The following SLC26A6 variants were observed in gnomAD, a reference collection of about 807,000 sequenced individuals.
SLC26A6 encodes anion exchange transporter.
SLC26A6 carries 67 observed loss-of-function variants against 87.1 expected under a neutral mutation model. The observed-to-expected ratio is 0.77, with a 90% CI of 0.63 to 0.94. SLC26A6 has a LOEUF of 0.94. SLC26A6 is among the 40% of genes least tolerant of loss of function. The pLI, the probability that SLC26A6 is intolerant of heterozygous loss-of-function variation, is 0.00. For synonymous variants in SLC26A6, 414 were observed against 405.9 expected (o/e 1.02, Z -0.24); for missense variants, 902 against 973.0 (o/e 0.93, Z 0.97).
Position 48,625,878 on chromosome 3 carries a change from A to C in SLC26A6, c.*108T>G. 1 of 1,411,314 alleles carries C rather than the reference A, an allele frequency of 7.1e-7. No individual in the cohort carries two copies. Among genetic ancestry groups the C allele is most frequent in the East Asian group, 2.3e-5 (1 of 43,580 alleles). The allele number at this position is 1,411,314 out of a possible 1,614,324, so 87.4% of individuals were successfully genotyped here. A position where few individuals can be genotyped will look rare whatever the true frequency, so the allele number is the denominator to read the frequency against. On this transcript the variant is annotated 3_prime_UTR_variant, in exon 21 of 21. Coordinates refer to ENST00000395550, the MANE Select transcript of SLC26A6 (RefSeq NM_022911.3). The surrounding 1 kb of genome is among the most constrained non-coding windows in gnomAD (Gnocchi z 4.7). Reference sequence around the variant, plus strand: ...CTCCTTCCCTGAGTTGTGTGTGTGTACATGGAGGGGACTCCTGGGTAGCAC... The same window carrying C: ...CTCCTTCCCTGAGTTGTGTGTGTGTCCATGGAGGGGACTCCTGGGTAGCAC...
chr3:48,626,475 T>C, intron 19 of SLC26A6, 121 bp from the exon 20 acceptor site: 3 of 1,541,852 alleles, frequency 1.9e-6, no homozygotes, highest in Non-Finnish European at 2.7e-6. Flanking sequence ...TACAGCTGAA[T>C]CCACATCACT....
intron 13 of SLC26A6, 30 bp from the exon 14 acceptor site, chr3:48,629,741 G>C (rs749523409): frequency 8.7e-6 from 14 of 1,611,604 alleles, no homozygotes; most frequent in Non-Finnish European, 9.3e-6. Context: ...TGCACGAAGA[G>C]GGGGCAGAAA....
rs916123540 is a variant in SLC26A6, at chr3:48,628,808, T to A, written c.1600-94A>T. 1 of 1,417,358 alleles carries A rather than the reference T, an allele frequency of 7.1e-7. No homozygotes were observed. The highest frequency in any genetic ancestry group is 9.7e-7 in the Non-Finnish European group (1 of 1,028,130). 87.8% of individuals were successfully genotyped at this position (1,417,358 alleles called of 1,614,324 possible). A position where few individuals can be genotyped will look rare whatever the true frequency, so the allele number is the denominator to read the frequency against. On this transcript the variant is annotated intron_variant, in intron 14 of 20. Transcript: ENST00000395550. The surrounding 1 kb of genome is among the most constrained non-coding windows in gnomAD (Gnocchi z 4.4). ...TTCCTTCCCTAGTGTGCCCAGTGCCTGCCACCGCCCAGCCCTCTGCTCCCC... is the reference window on the plus strand; with the variant it reads ...TTCCTTCCCTAGTGTGCCCAGTGCCAGCCACCGCCCAGCCCTCTGCTCCCC...
In SLC26A6 at chr3:48,632,209, G is replaced by A. The variant is rs762378668; in HGVS notation, c.585+36C>T. 3 of 1,568,962 alleles carry A rather than the reference G, an allele frequency of 1.9e-6. No homozygotes were observed. The Admixed American group carries it at 5.3e-5, about 28-fold the overall frequency. ...ACAGGACAGTGGCGGGAGCAGAAGTGGTGGTGGGGGGCACATACTCCTGAC... is the reference window on the plus strand; with the variant it reads ...ACAGGACAGTGGCGGGAGCAGAAGTAGTGGTGGGGGGCACATACTCCTGAC... On this transcript the variant is annotated intron_variant, in intron 5 of 20. Transcript: ENST00000395550.
chr3:48,631,811 G>C lies in SLC26A6; in HGVS notation c.751-10C>G, dbSNP rs1426127616. On this transcript the variant is annotated splice_polypyrimidine_tract_variant and intron_variant, in intron 6 of 20. Transcript: ENST00000395550. ...AGACCTCCAGCACTGTCTGAGGAGA[G>C]GCCAGGTCACAGCTAGCACTCAAGG... is the stretch of plus-strand genomic sequence containing the variant. 6.2e-7 allele frequency: 1 copy of C among 1,613,366 alleles called. No homozygotes were observed. Among genetic ancestry groups the C allele is most frequent in the African/African-American group, 1.3e-5 (1 of 75,034 alleles).
intron 1 of SLC26A6, among the ~76,000 whole-genome samples, chr3:48,635,063 G>A (rs535667231): frequency 6.6e-6 from 1 of 152,316 alleles, no homozygotes; most frequent in African/African-American, 2.4e-5. Flanking sequence ...AGGGACTCCC[G>A]TGCCCCACGC....
intron 19 of SLC26A6, 40 bp from the exon 20 acceptor site, chr3:48,626,394 T>C (rs1418497504): frequency 1.2e-6 from 2 of 1,612,936 alleles, no homozygotes; most frequent in East Asian, 2.2e-5. Flanking sequence ...TCTCAGAACC[T>C]CTAGGAACTC....
chr3:48,631,888 G>A lies in SLC26A6; in HGVS notation c.742C>T (p.Leu248Phe), dbSNP rs1419768421. 1.2e-6 allele frequency: 2 copies of A among 1,613,710 alleles called. No individual in the cohort carries two copies. Among genetic ancestry groups the A allele is most frequent in the South Asian group, 2.2e-5 (2 of 91,080 alleles). Residue 248 changes from leucine (L) to phenylalanine (F), a missense_variant, in exon 6 of 21, where the codon CTC (leucine) becomes TTC (phenylalanine). Physicochemically the swap from Leu to Phe is conservative, Grantham distance 22. Coordinates refer to ENST00000395550, the MANE Select transcript of SLC26A6 (RefSeq NM_022911.3). The stretch of plus-strand genomic sequence containing the variant: ...CCCCTACCCTCACTCACATAGATGA[G>A]GGACAGTGGCCCAGAGTGGCTGCTC... ...HLSSHSGPLS[L>F]IYTVLEVCWK...
Position 48,626,959 on chromosome 3 carries a change from G to A in SLC26A6, c.1990C>T (p.Pro664Ser), listed in dbSNP as rs779746430. The change falls in exon 18 of 21, where the codon CCT becomes TCT. Residue 664 changes from proline (P) to serine (S), a missense_variant. By Grantham distance (74) the Pro-to-Ser change is moderately conservative (BLOSUM62 -1). Transcript: ENST00000395550. Reference sequence around the variant, plus strand: ...ATGAGGCTGTGGAAGTCTGGCTGAGGCAGGCCCAGGGCCTTCAGTGTGGAC... The same window carrying A: ...ATGAGGCTGTGGAAGTCTGGCTGAGACAGGCCCAGGGCCTTCAGTGTGGAC... Reference protein sequence around the residue: ...DGSTLKALGLPQPDFHSLILD... With the variant: ...DGSTLKALGLSQPDFHSLILD... The A allele has an allele frequency of 1.2e-6, 2 of 1,614,104 alleles. No homozygotes were observed. The highest frequency in any genetic ancestry group is 1.3e-5 in the African/African-American group (1 of 74,928).
At chr3:48,633,961 T>C in intron 1 of SLC26A6, 2 of 934,078 alleles carry the variant, frequency 2.1e-6, no homozygotes, top group Non-Finnish European at 2.7e-6. Flanking sequence ...GGCTGCTCCC[T>C]CCCCCACCCA....
At position 48,633,085 on chromosome 3, in the gene SLC26A6, C is replaced by T; in HGVS notation, c.323-1G>A. On this transcript the variant is annotated splice_acceptor_variant, in intron 3 of 20. Transcript: ENST00000395550. LOFTEE classifies it high-confidence loss of function. ...CCAGCCAGGAGGGCGTAGGCCAAGCCTAGGGGTAGAATGGTAGCAGTGCAG... is the reference window on the plus strand; with the variant it reads ...CCAGCCAGGAGGGCGTAGGCCAAGCTTAGGGGTAGAATGGTAGCAGTGCAG... 4 of 1,611,166 alleles carry T rather than the reference C, an allele frequency of 2.5e-6. No homozygotes were observed. The highest frequency in any genetic ancestry group is 3.4e-6 in the Non-Finnish European group (4 of 1,178,678).
chr3:48,632,500 T>C, intron 4 of SLC26A6, 104 bp from the exon 5 acceptor site: 2 of 1,457,978 alleles, frequency 1.4e-6, no homozygotes, highest in Non-Finnish European at 9.4e-7. Flanking sequence ...TCTGGATAAA[T>C]GTACTCAGAT....
intron 17 of SLC26A6, chr3:48,627,543 G>A (rs1016366241): frequency 5.2e-6 from 1 of 191,748 alleles, no homozygotes; most frequent in Non-Finnish European, 1.1e-5. Flanking sequence ...GGCACCATTA[G>A]AGCGCACTGC....
intron 1 of SLC26A6, among the ~76,000 whole-genome samples, chr3:48,635,009 G>A (rs1209477789): frequency 6.6e-6 from 1 of 152,230 alleles, no homozygotes; most frequent in Non-Finnish European, 1.5e-5. Flanking sequence ...GAGCTGGGTG[G>A]ACTCGGGACT....
rs949479263 is a variant in SLC26A6 at position 48,633,408 on chromosome 3, G to C, written c.183-18C>G. The stretch of plus-strand genomic sequence containing the variant: ...GGGAGCACCTAGGGACATGATATGA[G>C]GGGTAGGTGTCAGGAACAGGGGCTA... On this transcript the variant is annotated intron_variant, in intron 2 of 20. Transcript: ENST00000395550. 2 of 1,613,010 alleles carry C rather than the reference G, an allele frequency of 1.2e-6. No homozygotes were observed. The highest frequency in any genetic ancestry group is 1.7e-5 in the Admixed American group (1 of 60,012).
At position 48,626,309 on chromosome 3, in the gene SLC26A6, G is replaced by A. The variant is rs1488809851; in HGVS notation, c.2174C>T (p.Ser725Phe). The change falls in exon 20 of 21, where the codon TCC becomes TTC. Residue 725 changes from serine (S) to phenylalanine (F), a missense_variant. Ser to Phe is a radical substitution (Grantham distance 155). Coordinates refer to ENST00000395550, the MANE Select transcript of SLC26A6 (RefSeq NM_022911.3). ...QLEAGHFFDA[S>F]ITKKHLFASV... ...GGCAAAGAGATGCTTCTTGGTGATG[G>A]ATGCATCGAAGAAGTGCCCAGCCTC... 6.2e-7 allele frequency: 1 copy of A among 1,613,916 alleles called. No individual in the cohort carries two copies. Among genetic ancestry groups the A allele is most frequent in the African/African-American group, 1.3e-5 (1 of 74,884 alleles).
intron 7 of SLC26A6, 81 bp from the exon 8 acceptor site, chr3:48,631,387 G>T (rs917419168): frequency 3.0e-5 from 42 of 1,402,830 alleles, no homozygotes; most frequent in Non-Finnish European, 4.0e-5. Flanking sequence ...AGGTGAGGAG[G>T]GAGATACTGG....
rs775507204 is a variant in SLC26A6 at position 48,628,513 on chromosome 3, G to T, written c.1721C>A (p.Ser574Tyr). 64 of 1,613,854 alleles carry T rather than the reference G, an allele frequency of 4.0e-5. No individual in the cohort carries two copies. The highest frequency in any genetic ancestry group is 4.9e-5 in the Non-Finnish European group (58 of 1,179,934). The part of the protein sequence containing the change: ...RCGVDVDFLI[S>Y]QKKKLLKKQE... ...CTTCTTGAGCAGTTTCTTCTTCTGG[G>T]AGATGAGGAAGTCGACATCCACACC... Residue 574 changes from serine to tyrosine, a missense_variant, in exon 16 of 21, where the codon TCC becomes TAC. By Grantham distance (144) the Ser-to-Tyr change is moderately radical. This residue lies in a region of SLC26A6 where 800 missense variants were observed against 856.8 expected (regional missense o/e 0.93). Coordinates refer to ENST00000395550, the MANE Select transcript of SLC26A6 (RefSeq NM_022911.3). The surrounding 1 kb of genome is among the most constrained non-coding windows in gnomAD (Gnocchi z 4.4).
rs1012846873 is a variant in SLC26A6 at position 48,630,522 on chromosome 3, G to A, written c.1249-7C>T. 15 of 1,559,904 alleles carry A rather than the reference G, an allele frequency of 9.6e-6. No individual in the cohort carries two copies. The highest frequency in any genetic ancestry group is 7.2e-5 in the East Asian group (3 of 41,412). ...AAGAGATGGCTCCAGCAACCTGTTC[G>A]GGGAGGGAGTGAGCAGGGGAGAGAC... On this transcript the variant is annotated splice_polypyrimidine_tract_variant and splice_region_variant and intron_variant, in intron 10 of 20. Transcript: ENST00000395550.
Sources: gnomAD v4.1 joint callset for allele counts (sites outside exome capture counted in the v4.1 genomes callset) on GRCh38, gnomAD v4.1.1 for gene constraint, gnomAD v4.1.1 regional missense constraint, Gnocchi (gnomAD v3.1) non-coding constraint, MANE v1.5 for transcripts, NCBI Gene and HGNC (gene_info 2026-07-23, HGNC 2026-07-21) for gene names.